C1QTNF3: variants seen among roughly 807,000 people sequenced by gnomAD.
The protein encoded by C1QTNF3 is complement C1q tumor necrosis factor-related protein 3.
C1QTNF3 carries 26 observed loss-of-function variants against 32.6 expected under a neutral mutation model. That is an observed-to-expected ratio of 0.80 (90% CI 0.58 to 1.11). The LOEUF (loss-of-function observed/expected upper bound fraction) is 1.11. C1QTNF3 is among the 50% of genes least tolerant of loss of function. The pLI is 0.00. For synonymous variants in C1QTNF3, 155 were observed against 146.0 expected, an observed-to-expected ratio of 1.06 and a Z score of -0.44; for missense variants, 362 against 398.2, an observed-to-expected ratio of 0.91 and a Z score of 0.77.
chr5:34,172,687 A>G, the C1QTNF3 span, among the ~76,000 whole-genome samples: 2 of 152,194 alleles, frequency 1.3e-5, no homozygotes, highest in African/African-American at 2.4e-5. Flanking sequence ...TAACGTGTTA[A>G]CCAATACTCT....
At chr5:34,086,299 G>T in the C1QTNF3 span, among the ~76,000 whole-genome samples, 1 of 129,044 alleles carries the variant, frequency 7.7e-6, no homozygotes, top group Non-Finnish European at 1.6e-5. Flanking sequence ...GGGGTTAGGG[G>T]GCTAAGGGAG....
chr5:34,161,746 A>T, the C1QTNF3 span, among the ~76,000 whole-genome samples: 1 of 152,196 alleles, frequency 6.6e-6, no homozygotes, highest in Non-Finnish European at 1.5e-5. Context: ...AAAATATTGT[A>T]AATGTATGAA....
the C1QTNF3 span, among the ~76,000 whole-genome samples, chr5:34,140,785 A>C: frequency 1.3e-5 from 2 of 152,276 alleles, no homozygotes; most frequent in African/African-American, 4.8e-5. Context: ...CATGCTTTCA[A>C]CTTCATAGAC....
At chr5:34,048,289 T>TGAGAGAGAGAGA in the C1QTNF3 span, among the ~76,000 whole-genome samples, 12,742 of 140,976 alleles carry the variant, frequency 0.09, 684 homozygotes, top group Admixed American at 0.14. Flanking sequence ...TGTGTGTGCA[T>TGAGAGAGAGAGA]GAGAGAGAGA....
the C1QTNF3 span, among the ~76,000 whole-genome samples, chr5:34,055,017 G>C: frequency 5.9e-5 from 9 of 152,206 alleles, no homozygotes; most frequent in Non-Finnish European, 1.2e-4. Flanking sequence ...TCACAGAATT[G>C]ACTGGCAGCT....
intron 4 of C1QTNF3, among the ~76,000 whole-genome samples, chr5:34,025,282 A>G (rs950953762): frequency 6.6e-6 from 1 of 152,212 alleles, no homozygotes; most frequent in Non-Finnish European, 1.5e-5. Flanking sequence ...ACACACACAT[A>G]ATTTTCAATG....
At chr5:34,123,757 T>A in the C1QTNF3 span, among the ~76,000 whole-genome samples, 1 of 152,180 alleles carries the variant, frequency 6.6e-6, no homozygotes, top group African/African-American at 2.4e-5. Flanking sequence ...ATTTTTTTCA[T>A]ACTAAACACT....
chr5:34,217,167 C>A, the C1QTNF3 span, among the ~76,000 whole-genome samples: 1 of 152,028 alleles, frequency 6.6e-6, no homozygotes, highest in African/African-American at 2.4e-5. Flanking sequence ...TTTTAGAGTG[C>A]TATTCTAGTA....
At chr5:34,221,929 AT>A in the C1QTNF3 span, among the ~76,000 whole-genome samples, 1 of 152,014 alleles carries the variant, frequency 6.6e-6, no homozygotes, top group African/African-American at 2.4e-5. Context: ...GCAATAGAGC[AT>A]TTCTTAGGGG....
At chr5:34,208,082 G>T in the C1QTNF3 span, among the ~76,000 whole-genome samples, 1 of 152,218 alleles carries the variant, frequency 6.6e-6, no homozygotes, top group Non-Finnish European at 1.5e-5. Flanking sequence ...GAGCCACCTC[G>T]CCCGGCCTTG....
At chr5:34,219,564 T>C in the C1QTNF3 span, among the ~76,000 whole-genome samples, 37 of 151,810 alleles carry the variant, frequency 2.4e-4, no homozygotes, top group Non-Finnish European at 1.2e-4. Context: ...ACATAGAATA[T>C]TGTGATGGAA....
chr5:34,140,588 T>C, the C1QTNF3 span, among the ~76,000 whole-genome samples: 2 of 152,246 alleles, frequency 1.3e-5, no homozygotes, highest in African/African-American at 4.8e-5. Context: ...GTCAAAATTG[T>C]GAACACTTGT....
chr5:34,120,499 T>C, the C1QTNF3 span, among the ~76,000 whole-genome samples: 1 of 152,202 alleles, frequency 6.6e-6, no homozygotes, highest in Non-Finnish European at 1.5e-5. Flanking sequence ...ACTTAATACC[T>C]GGTATGATTT....
chr5:34,168,284 C>CGTGTGT, the C1QTNF3 span: 55 of 136,772 alleles, frequency 4.0e-4, no homozygotes, highest in Admixed American at 7.6e-4. Context: ...TGTGTGCATG[C>CGTGTGT]GTGTGTGTGT....
At chr5:34,037,644 T>C (rs1387617606) in intron 1 of C1QTNF3, among the ~76,000 whole-genome samples, 3 of 152,202 alleles carry the variant, frequency 2.0e-5, no homozygotes, top group Non-Finnish European at 4.4e-5. Flanking sequence ...CTCCTAGTCT[T>C]GTCTTCAGTC....
At chr5:34,070,681 C>T in the C1QTNF3 span, among the ~76,000 whole-genome samples, 2 of 103,930 alleles carry the variant, frequency 1.9e-5, no homozygotes, top group Admixed American at 9.4e-5. Context: ...TGGTGATTAA[C>T]CAAAATTAGG....
the C1QTNF3 span, among the ~76,000 whole-genome samples, chr5:34,062,008 C>T: frequency 6.6e-6 from 1 of 152,210 alleles, no homozygotes; most frequent in East Asian, 1.9e-4. Flanking sequence ...AACTGAATGC[C>T]TTTAGCAGCC....
intron 3 of C1QTNF3, 70 bp downstream of exon 3, chr5:34,033,234 T>A: frequency 6.5e-7 from 1 of 1,545,786 alleles, no homozygotes; most frequent in Non-Finnish European, 8.8e-7. Context: ...CGCTCGAACA[T>A]CCTGATTCCT....
At chr5:34,070,081 G>T in the C1QTNF3 span, among the ~76,000 whole-genome samples, 9 of 152,280 alleles carry the variant, frequency 5.9e-5, no homozygotes, top group East Asian at 1.7e-3. Context: ...CAAAATGTAT[G>T]ATCTCCTGTT....
Sources: allele counts gnomAD v4.1 joint callset (sites outside exome capture counted in the v4.1 genomes callset), GRCh38; gene constraint gnomAD v4.1.1; transcripts MANE v1.5; gene names NCBI Gene and HGNC (gene_info 2026-07-23, HGNC 2026-07-21).